Variants in FRMD3 observed in about 807,000 individuals in gnomAD.
The protein encoded by FRMD3 is FERM domain-containing protein 3.
A neutral mutation model predicts 70.2 loss-of-function variants in FRMD3; 33 were observed. That is an observed-to-expected ratio of 0.47 (90% confidence interval 0.36 to 0.63). FRMD3 has a LOEUF of 0.63. FRMD3 is among the 20% of genes least tolerant of loss of function. The pLI, the probability that FRMD3 is intolerant of heterozygous loss-of-function variation, is 0.00. For missense variants in FRMD3, 632 were observed against 711.4 expected (o/e 0.89, Z 1.27); for synonymous variants, 279 against 255.9 (o/e 1.09, Z -0.86).
chr9:83,268,343 A>G (rs1489119372), intron 13 of FRMD3, among the ~76,000 whole-genome samples: 2 of 152,232 alleles, frequency 1.3e-5, no homozygotes, highest in Non-Finnish European at 2.9e-5. Flanking sequence ...AGCAAAATAC[A>G]TGGATTTTTA....
At chr9:83,530,556 A>G (rs1045340607) in intron 1 of FRMD3, among the ~76,000 whole-genome samples, 4 of 152,134 alleles carry the variant, frequency 2.6e-5, no homozygotes, top group African/African-American at 9.7e-5. Flanking sequence ...AATATTCTAA[A>G]ATTAATTGTG....
chr9:83,318,214 C>G (rs1372532087), intron 6 of FRMD3, among the ~76,000 whole-genome samples: 1 of 152,120 alleles, frequency 6.6e-6, no homozygotes, highest in Admixed American at 6.5e-5. Flanking sequence ...CAACTATCAC[C>G]CAAATAGTGA....
chr9:83,270,134 A>C (rs1833483479), intron 13 of FRMD3, among the ~76,000 whole-genome samples: 1 of 152,196 alleles, frequency 6.6e-6, no homozygotes, highest in South Asian at 2.1e-4. Context: ...GTAGCACAAC[A>C]TTTGGATGCC....
At chr9:83,390,949 G>A (rs1026619282) in intron 1 of FRMD3, among the ~76,000 whole-genome samples, 6 of 152,182 alleles carry the variant, frequency 3.9e-5, no homozygotes, top group Admixed American at 3.9e-4. Flanking sequence ...ACACCCTCCA[G>A]CAAGATCTCC....
chr9:83,494,407 C>A (rs940262195), intron 1 of FRMD3, among the ~76,000 whole-genome samples: 22 of 152,102 alleles, frequency 1.4e-4, no homozygotes, highest in African/African-American at 4.8e-4. Context: ...GAAGTTCATG[C>A]CAATTTGGTT....
At chr9:83,572,733 A>T in the FRMD3 span, among the ~76,000 whole-genome samples, 1 of 152,160 alleles carries the variant, frequency 6.6e-6, no homozygotes, top group Admixed American at 6.5e-5. Context: ...ACAGGCGTGG[A>T]GTAAGAGCAG....
At chr9:83,256,196 G>A (rs1012224671) in intron 13 of FRMD3, among the ~76,000 whole-genome samples, 5 of 152,028 alleles carry the variant, frequency 3.3e-5, no homozygotes, top group Non-Finnish European at 7.4e-5. Flanking sequence ...GAACAGAATA[G>A]AGAATTCAGA....
At chr9:83,269,144 C>G (rs1054482223) in intron 13 of FRMD3, among the ~76,000 whole-genome samples, 1 of 152,134 alleles carries the variant, frequency 6.6e-6, no homozygotes, top group Admixed American at 6.5e-5. Context: ...ATAGATTAAC[C>G]GGGGCTCATT....
chr9:83,367,732 A>C (rs1339214109), intron 3 of FRMD3, among the ~76,000 whole-genome samples: 1 of 152,232 alleles, frequency 6.6e-6, no homozygotes, highest in Admixed American at 6.5e-5. Context: ...TAATTTATTT[A>C]ATAGTTATAA....
chr9:83,500,577 A>G (rs1016002002), intron 1 of FRMD3, among the ~76,000 whole-genome samples: 1 of 143,684 alleles, frequency 7.0e-6, no homozygotes, highest in African/African-American at 2.5e-5. Flanking sequence ...TTTGAGAACC[A>G]TCAGTCTATA....
intron 6 of FRMD3, among the ~76,000 whole-genome samples, chr9:83,315,052 GT>G (rs147950545): frequency 0.018 from 2,670 of 149,120 alleles, 87 homozygotes; most frequent in African/African-American, 0.061. Context: ...TCATTGATAT[GT>G]TTTTTTTTTA....
At chr9:83,275,681 T>A (rs2118853748) in intron 13 of FRMD3, among the ~76,000 whole-genome samples, 1 of 152,292 alleles carries the variant, frequency 6.6e-6, no homozygotes, top group South Asian at 2.1e-4. Context: ...CCTCTCTGAT[T>A]TACCTACTAT....
intron 1 of FRMD3, among the ~76,000 whole-genome samples, chr9:83,453,229 A>G (rs909830848): frequency 6.6e-5 from 10 of 152,064 alleles, no homozygotes; most frequent in African/African-American, 2.4e-4. Flanking sequence ...GGGCTGAAAC[A>G]CTCATTCAAA....
intron 1 of FRMD3, among the ~76,000 whole-genome samples, chr9:83,512,351 C>G (rs1829356459): frequency 6.6e-6 from 1 of 152,120 alleles, no homozygotes; most frequent in South Asian, 2.1e-4. Flanking sequence ...ATGGGGAAGA[C>G]AGAAAACAAA....
chr9:83,326,813 T>G (rs1179482136), intron 6 of FRMD3, among the ~76,000 whole-genome samples: 1 of 152,216 alleles, frequency 6.6e-6, no homozygotes, highest in East Asian at 1.9e-4. Context: ...TTAGTTGACT[T>G]CTTTTCAAAG....
chr9:83,571,119 AGC>A, the FRMD3 span, among the ~76,000 whole-genome samples: 2 of 152,088 alleles, frequency 1.3e-5, no homozygotes, highest in African/African-American at 4.8e-5. Context: ...CATGGAGGTG[AGC>A]ACTTGCTCTC....
intron 1 of FRMD3, among the ~76,000 whole-genome samples, chr9:83,470,668 A>T (rs1201285419): frequency 6.6e-6 from 1 of 152,224 alleles, no homozygotes; most frequent in African/African-American, 2.4e-5. Context: ...AAGGGTCCCG[A>T]TCAGAAGGTC....
At chr9:83,431,741 A>C (rs1587846637) in intron 1 of FRMD3, among the ~76,000 whole-genome samples, 1 of 151,900 alleles carries the variant, frequency 6.6e-6, no homozygotes, top group Non-Finnish European at 1.5e-5. Flanking sequence ...CAGCTCCCTT[A>C]CTATTTTGTC....
intron 1 of FRMD3, among the ~76,000 whole-genome samples, chr9:83,536,930 T>TAAAAAAAAAAAAAAAAAAAAAAAAAAA (rs142272516): frequency 1.6e-5 from 1 of 60,896 alleles, no homozygotes; most frequent in African/African-American, 6.1e-5. Context: ...TGTATTACAC[T>TAAAAAAAAAAAAAAAAAAAAAAAAAAA]AAAAAAAAAA....
Sources: gnomAD v4.1 joint callset for allele counts (sites outside exome capture counted in the v4.1 genomes callset) on GRCh38, gnomAD v4.1.1 for gene constraint, MANE v1.5 for transcripts, NCBI Gene and HGNC (gene_info 2026-07-23, HGNC 2026-07-21) for gene names.